The following SLC24A3 variants were observed in gnomAD, a reference collection of about 807,000 sequenced individuals.
SLC24A3 encodes solute carrier family 24 member 3.
In SLC24A3, 28 loss-of-function variants were observed where a neutral mutation model predicts 75.8. The observed-to-expected ratio is 0.37, with a 90% CI of 0.27 to 0.51. SLC24A3 has a LOEUF of 0.51. Ranked by LOEUF, SLC24A3 falls within the 20% of genes least tolerant of loss-of-function variation. SLC24A3 has a pLI of 0.94. For missense variants in SLC24A3, 663 were observed against 847.8 expected, an observed-to-expected ratio of 0.78 and a Z score of 2.71; for synonymous variants, 372 against 334.1, an observed-to-expected ratio of 1.11 and a Z score of -1.24.
At chr20:19,263,033 TTGTGTGTGTGTGTG>T (rs11473481) in intron 1 of SLC24A3, among the ~76,000 whole-genome samples, 1 of 143,140 alleles carries the variant, frequency 7.0e-6, no homozygotes, top group African/African-American at 2.6e-5. Context: ...ACTCCAGCCT[TTGTGTGTGTGTGTG>T]TGTGTGTGTG....
chr20:19,463,968 G>C (rs775063682), intron 2 of SLC24A3, among the ~76,000 whole-genome samples: 2 of 152,180 alleles, frequency 1.3e-5, no homozygotes, highest in Non-Finnish European at 2.9e-5. Flanking sequence ...AAAATAAAAG[G>C]CCTTTCATAC....
rs1016614365 is a variant in SLC24A3 at position 19,329,549 on chromosome 20, T to C, written c.271+48462T>C. Among the ~76,000 whole-genome samples, 3 of 152,236 alleles carry C rather than the reference T, an allele frequency of 2.0e-5. No homozygotes were observed. The East Asian group carries it at 5.8e-4, about 29-fold the overall frequency. On this transcript the variant is annotated intron_variant, in intron 2 of 16. Coordinates refer to ENST00000328041, the MANE Select transcript of SLC24A3 (RefSeq NM_020689.4). The stretch of plus-strand genomic sequence containing the variant: ...TCAAGAAAGAAGTTTGTCACATTAC[T>C]TTGGTCATTATAATGTTTGATTGTT...
chr20:19,660,942 C>T (rs982462241), intron 7 of SLC24A3, among the ~76,000 whole-genome samples: 11 of 152,118 alleles, frequency 7.2e-5, no homozygotes, highest in Admixed American at 6.5e-4. Flanking sequence ...TCCCTGCTGT[C>T]AACAGGAGGA....
At chr20:19,343,088 A>AAAAAAAAAAAAAG (rs1568594815) in intron 2 of SLC24A3, among the ~76,000 whole-genome samples, 1 of 147,186 alleles carries the variant, frequency 6.8e-6, no homozygotes, top group African/African-American at 2.7e-5. Flanking sequence ...AAAAAAAGAA[A>AAAAAAAAAAAAAG]AAAGAAAAAG....
At chr20:19,332,700 T>C (rs1985029115) in intron 2 of SLC24A3, among the ~76,000 whole-genome samples, 1 of 151,822 alleles carries the variant, frequency 6.6e-6, no homozygotes, top group African/African-American at 2.4e-5. Flanking sequence ...TTCAGAAGGG[T>C]ATTTGGGGGT....
At chr20:19,535,999 C>A (rs1480215266) in intron 3 of SLC24A3, among the ~76,000 whole-genome samples, 1 of 152,034 alleles carries the variant, frequency 6.6e-6, no homozygotes. Flanking sequence ...AGGAGCCCAC[C>A]CTCACAATAA....
chr20:19,313,815 T>C (rs1984517087), intron 2 of SLC24A3, among the ~76,000 whole-genome samples: 1 of 152,188 alleles, frequency 6.6e-6, no homozygotes, highest in Non-Finnish European at 1.5e-5. Context: ...TCTGCCCTTT[T>C]CAAACTAGTA....
At chr20:19,656,270 G>A (rs1600324306) in intron 7 of SLC24A3, among the ~76,000 whole-genome samples, 1 of 152,100 alleles carries the variant, frequency 6.6e-6, no homozygotes, top group East Asian at 1.9e-4. Context: ...TTTCAATTTT[G>A]TCCTCCAGTG....
At chr20:19,293,354 C>T (rs1401679030) in intron 2 of SLC24A3, among the ~76,000 whole-genome samples, 1 of 152,000 alleles carries the variant, frequency 6.6e-6, no homozygotes, top group Non-Finnish European at 1.5e-5. Flanking sequence ...ATGTTCGTGG[C>T]TCGGAAAGGG....
At chr20:19,416,345 C>T (rs1315217708) in intron 2 of SLC24A3, among the ~76,000 whole-genome samples, 1 of 152,240 alleles carries the variant, frequency 6.6e-6, no homozygotes, top group Non-Finnish European at 1.5e-5. Context: ...TTCGTAACCA[C>T]CCTGGGAAGG....
In SLC24A3 at chr20:19,237,879, C is replaced by T. The variant is rs1054896946; in HGVS notation, c.142+24895C>T. Among the ~76,000 whole-genome samples, 5 of 152,110 alleles carry T rather than the reference C, an allele frequency of 3.3e-5. No individual in the cohort carries two copies. In the South Asian group the frequency reaches 8.3e-4, roughly 25 times the overall value. On this transcript the variant is annotated intron_variant, in intron 1 of 16. Coordinates refer to ENST00000328041, the MANE Select transcript of SLC24A3 (RefSeq NM_020689.4). ...GCCTGGGCCTGAGTTTCACGTCTGTCGGTTTTACTTTCAGTCGATTTTACG... is the reference window on the plus strand; with the variant it reads ...GCCTGGGCCTGAGTTTCACGTCTGTTGGTTTTACTTTCAGTCGATTTTACG...
chr20:19,701,104 TG>T (rs2032866554), intron 15 of SLC24A3, among the ~76,000 whole-genome samples: 1 of 152,186 alleles, frequency 6.6e-6, no homozygotes, highest in African/African-American at 2.4e-5. Context: ...GGAAGCCCCA[TG>T]AGGGCTGACA....
At chr20:19,632,191 G>C (rs1329318528) in intron 6 of SLC24A3, among the ~76,000 whole-genome samples, 3 of 152,124 alleles carry the variant, frequency 2.0e-5, no homozygotes, top group Non-Finnish European at 2.9e-5. Context: ...AGCACCTGGT[G>C]CCTGGCATGC....
At chr20:19,439,228 A>C (rs906159924) in intron 2 of SLC24A3, among the ~76,000 whole-genome samples, 1 of 152,214 alleles carries the variant, frequency 6.6e-6, no homozygotes, top group African/African-American at 2.4e-5. Context: ...GGAGCATGGG[A>C]TGCTGCTGGG....
intron 8 of SLC24A3, among the ~76,000 whole-genome samples, chr20:19,667,790 AGCAAGAAAAGGAGT>A (rs922732259): frequency 6.6e-6 from 1 of 152,206 alleles, no homozygotes; most frequent in African/African-American, 2.4e-5. Context: ...GATGGTTTGG[AGCAAGAAAAGGAGT>A]GTCTATTTCA....
intron 2 of SLC24A3, among the ~76,000 whole-genome samples, chr20:19,358,735 C>T (rs1985733834): frequency 6.6e-6 from 1 of 152,164 alleles, no homozygotes; most frequent in Non-Finnish European, 1.5e-5. Flanking sequence ...CTTTTACCAC[C>T]CCAAGGGATA....
At chr20:19,538,616 A>G (rs2030442383) in intron 3 of SLC24A3, among the ~76,000 whole-genome samples, 1 of 152,168 alleles carries the variant, frequency 6.6e-6, no homozygotes, top group South Asian at 2.1e-4. Context: ...GACGAGCAAA[A>G]CCAAGTGTTG....
chr20:19,530,063 T>A (rs2030269023), intron 3 of SLC24A3, among the ~76,000 whole-genome samples: 1 of 152,156 alleles, frequency 6.6e-6, no homozygotes, highest in Non-Finnish European at 1.5e-5. Flanking sequence ...TCATTCCCTA[T>A]AAAACCAGCT....
chr20:19,367,195 C>G (rs1315270819), intron 2 of SLC24A3, among the ~76,000 whole-genome samples: 1 of 152,206 alleles, frequency 6.6e-6, no homozygotes, highest in Non-Finnish European at 1.5e-5. Flanking sequence ...TTGGACAGCA[C>G]AGAAGTGGAC....
Sources: gnomAD v4.1 joint callset for allele counts (sites outside exome capture counted in the v4.1 genomes callset) on GRCh38, gnomAD v4.1.1 for gene constraint, MANE v1.5 for transcripts, NCBI Gene and HGNC (gene_info 2026-07-23, HGNC 2026-07-21) for gene names.